The following TAFA5 variants were observed in gnomAD, a reference collection of about 807,000 sequenced individuals.
The protein encoded by TAFA5 is chemokine-like protein TAFA-5.
Under a neutral mutation model 15.3 loss-of-function variants are expected in TAFA5, and 6 were observed. That is an observed-to-expected ratio of 0.39 (90% CI 0.21 to 0.77). TAFA5 has a LOEUF of 0.77. TAFA5 is among the 30% of genes least tolerant of loss of function. TAFA5 has a pLI of 0.41. For synonymous variants in TAFA5, 103 were observed against 80.7 expected (o/e 1.28, Z -1.48); for missense variants, 161 against 193.1 (o/e 0.83, Z 0.98).
intron 1 of TAFA5, among the ~76,000 whole-genome samples, chr22:48,501,214 G>C (rs1473103212): frequency 6.6e-6 from 1 of 152,222 alleles, no homozygotes; most frequent in Admixed American, 6.5e-5. Flanking sequence ...AGGAGCTGTG[G>C]CCTGAATGCA....
chr22:48,565,052 G>A (rs921662409), intron 1 of TAFA5, among the ~76,000 whole-genome samples: 1 of 152,254 alleles, frequency 6.6e-6, no homozygotes, highest in African/African-American at 2.4e-5. Flanking sequence ...CCATGGTAAG[G>A]TGGGGGCTGG....
chr22:48,675,108 ATTT>A (rs1302654207), intron 2 of TAFA5, among the ~76,000 whole-genome samples: 1 of 151,994 alleles, frequency 6.6e-6, no homozygotes, highest in African/African-American at 2.4e-5. Context: ...CACACGGCTA[ATTT>A]TTGTATTTTT....
chr22:48,545,186 C>T, intron 1 of TAFA5: 1 of 312,000 alleles, frequency 3.2e-6, no homozygotes, highest in South Asian at 3.0e-5. Flanking sequence ...CTCTGCCCTC[C>T]CCTCAGTCTT....
intron 1 of TAFA5, among the ~76,000 whole-genome samples, chr22:48,601,750 C>G (rs1174279455): frequency 6.6e-6 from 1 of 152,194 alleles, no homozygotes; most frequent in African/African-American, 2.4e-5. Context: ...TGTGTTCTGC[C>G]TAACACAAGT....
At position 48,724,693 on chromosome 22, in the gene TAFA5, C is replaced by G. The variant is rs150772767; in HGVS notation, c.390+16849C>G. ...AGCCCGTGCCTTATCCTCTGAGCCCCAGCTATGACAGTGACCTCCTGTAAT... is the reference window on the plus strand; with the variant it reads ...AGCCCGTGCCTTATCCTCTGAGCCCGAGCTATGACAGTGACCTCCTGTAAT... On this transcript the variant is annotated intron_variant, in intron 3 of 3. Coordinates refer to ENST00000402357, the MANE Select transcript of TAFA5 (RefSeq NM_001082967.3). 7.9e-5 allele frequency among the ~76,000 whole-genome samples: 12 copies of G among 152,370 alleles called. No individual in the cohort carries two copies. The East Asian group carries it at 2.1e-3, about 27-fold the overall frequency.
At chr22:48,626,962 A>G (rs1926044815) in intron 1 of TAFA5, among the ~76,000 whole-genome samples, 1 of 152,102 alleles carries the variant, frequency 6.6e-6, no homozygotes, top group Non-Finnish European at 1.5e-5. Flanking sequence ...CCTCCGTGGG[A>G]TTGCCGGTCT....
chr22:48,661,609 A>C (rs555349452), intron 2 of TAFA5, among the ~76,000 whole-genome samples: 1 of 152,320 alleles, frequency 6.6e-6, no homozygotes, highest in Non-Finnish European at 1.5e-5. Flanking sequence ...GGGACAGTGC[A>C]GCAGGGAACA....
At chr22:48,729,975 C>A (rs1045279083) in intron 3 of TAFA5, among the ~76,000 whole-genome samples, 2 of 152,094 alleles carry the variant, frequency 1.3e-5, no homozygotes, top group Non-Finnish European at 2.9e-5. Context: ...GGGCAGCAGC[C>A]GCCTCTGGGG....
chr22:48,580,765 G>T (rs927033495), intron 1 of TAFA5, among the ~76,000 whole-genome samples: 1 of 152,212 alleles, frequency 6.6e-6, no homozygotes, highest in Admixed American at 6.5e-5. Context: ...TGCCCCGGCC[G>T]CCAGGCTCCG....
rs143482638 is a variant in TAFA5 at position 48,598,136 on chromosome 22, C to T, written c.113-48461C>T. 8.1e-4 allele frequency among the ~76,000 whole-genome samples: 124 copies of T among 152,318 alleles called. No individual in the cohort carries two copies. In the Middle Eastern group the frequency reaches 0.014, roughly 17 times the overall value. ...GAGACGCAGCGAGAGGTGCAGCTGG[C>T]GTCGTGAGGCCTCCGCTGGAGAATT... On this transcript the variant is annotated intron_variant, in intron 1 of 3. Transcript: ENST00000402357. This position sits in a 1 kb window ranked among gnomAD's most constrained non-coding sequence, Gnocchi z 4.0.
chr22:48,630,265 A>G (rs1238382147), intron 1 of TAFA5, among the ~76,000 whole-genome samples: 1 of 152,150 alleles, frequency 6.6e-6, no homozygotes, highest in Non-Finnish European at 1.5e-5. Context: ...AGCTCGCTGA[A>G]TGACGTGTCC....
At chr22:48,744,928 G>A (rs1487029924) in intron 3 of TAFA5, among the ~76,000 whole-genome samples, 1 of 151,698 alleles carries the variant, frequency 6.6e-6, no homozygotes, top group African/African-American at 2.4e-5. Flanking sequence ...GCCTGCTTTT[G>A]TACTTTTAGT....
At chr22:48,517,740 C>T (rs1392514037) in intron 1 of TAFA5, among the ~76,000 whole-genome samples, 1 of 152,152 alleles carries the variant, frequency 6.6e-6, no homozygotes, top group Non-Finnish European at 1.5e-5. Flanking sequence ...ATCCAGCAGC[C>T]GCGGTGAGGC....
intron 1 of TAFA5, among the ~76,000 whole-genome samples, chr22:48,633,841 A>G (rs1926335973): frequency 6.6e-6 from 1 of 152,146 alleles, no homozygotes; most frequent in South Asian, 2.1e-4. Flanking sequence ...AATACTGAGA[A>G]ATTGAATGTT....
chr22:48,717,053 C>T (rs750545560), intron 3 of TAFA5, among the ~76,000 whole-genome samples: 1 of 152,142 alleles, frequency 6.6e-6, no homozygotes, highest in African/African-American at 2.4e-5. Context: ...TCAGTTTCCC[C>T]GTGAGAGTAC....
At chr22:48,527,440 G>C (rs760255679) in intron 1 of TAFA5, among the ~76,000 whole-genome samples, 1 of 152,224 alleles carries the variant, frequency 6.6e-6, no homozygotes, top group Non-Finnish European at 1.5e-5. Context: ...GGGGCAACGG[G>C]ACCGTGGACA....
chr22:48,647,126 C>T (rs1237930567), intron 2 of TAFA5, among the ~76,000 whole-genome samples: 1 of 152,154 alleles, frequency 6.6e-6, no homozygotes, highest in Non-Finnish European at 1.5e-5. Flanking sequence ...TGCGTGTGGT[C>T]TGGCCGAGGC....
At chr22:48,521,387 C>T (rs916558032) in intron 1 of TAFA5, among the ~76,000 whole-genome samples, 2 of 152,078 alleles carry the variant, frequency 1.3e-5, no homozygotes, top group African/African-American at 2.4e-5. Context: ...TGCCAGGCAG[C>T]CAGCTTTGCT....
chr22:48,707,650 G>C, intron 2 of TAFA5, 67 bp from the exon 3 acceptor site: 1 of 1,564,254 alleles, frequency 6.4e-7, no homozygotes, highest in Non-Finnish European at 8.7e-7. Flanking sequence ...GGACCCAGGT[G>C]CCCTCAGCAA....
Sources: gnomAD v4.1 joint callset for allele counts (sites outside exome capture counted in the v4.1 genomes callset) on GRCh38, gnomAD v4.1.1 for gene constraint, Gnocchi (gnomAD v3.1) non-coding constraint, MANE v1.5 for transcripts, NCBI Gene and HGNC (gene_info 2026-07-23, HGNC 2026-07-21) for gene names.